TPP2: variants seen among roughly 807,000 people sequenced by gnomAD.
The protein encoded by TPP2 is tripeptidyl-peptidase 2.
TPP2 carries 34 observed loss-of-function variants against 155.9 expected under a neutral mutation model. The observed-to-expected ratio is 0.22, with a 90% CI of 0.17 to 0.29. TPP2 has a LOEUF of 0.29. TPP2 is among the 10% of genes least tolerant of loss of function. The pLI is 1.00. For synonymous variants in TPP2, 510 were observed against 529.4 expected (o/e 0.96, Z 0.50); for missense variants, 1,028 against 1,522.3 (o/e 0.68, Z 5.40).
intron 27 of TPP2, among the ~76,000 whole-genome samples, chr13:102,670,108 A>G (rs1025736854): frequency 5.3e-5 from 8 of 152,110 alleles, no homozygotes; most frequent in Non-Finnish European, 1.2e-4. Context: ...TCCACCAAAT[A>G]ACCACTTTTC....
intron 25 of TPP2, among the ~76,000 whole-genome samples, chr13:102,661,092 A>G (rs1884179522): frequency 8.2e-6 from 1 of 122,536 alleles, no homozygotes; most frequent in Non-Finnish European, 1.7e-5. Context: ...TACCAAAAGC[A>G]TAAGTAACAT....
intron 25 of TPP2, among the ~76,000 whole-genome samples, chr13:102,658,810 C>T (rs1884019941): frequency 6.6e-6 from 1 of 152,170 alleles, no homozygotes; most frequent in Non-Finnish European, 1.5e-5. Context: ...CATCATTTCT[C>T]ATCCTGACCT....
At chr13:102,602,583 C>T (rs1879509456) in intron 1 of TPP2, among the ~76,000 whole-genome samples, 1 of 152,108 alleles carries the variant, frequency 6.6e-6, no homozygotes, top group African/African-American at 2.4e-5. Flanking sequence ...GATTTGGGGT[C>T]CACCAACCAC....
chr13:102,616,374 G>A (rs1397146075), intron 3 of TPP2, 22 bp from the exon 4 acceptor site: 1 of 1,590,104 alleles, frequency 6.3e-7, no homozygotes, highest in Non-Finnish European at 8.6e-7. Flanking sequence ...CTAATTGTAA[G>A]GTAATTTTTC....
intron 11 of TPP2, 23 bp downstream of exon 11, chr13:102,634,121 T>C (rs1421741318): frequency 6.2e-7 from 1 of 1,613,572 alleles, no homozygotes. Flanking sequence ...TTTATTGTCC[T>C]TACATTATTG....
rs780184836 is a variant in TPP2 at position 102,663,688 on chromosome 13, T to C, written c.3184T>C (p.Tyr1062His). ...SDIYNELKET[Y>H]PNYLPLYVAR... ...CATTTATAACGAATTGAAAGAAACA[T>C]ATCCTAATTATCTTCCTCTGTACGT... The change falls in exon 26 of 30, where the codon TAT (tyrosine) becomes CAT (histidine). Residue 1062 changes from tyrosine (Y) to histidine (H), a missense_variant. Physicochemically the swap from Tyr to His is moderately conservative, Grantham distance 83. Transcript: ENST00000376052. 6.2e-7 allele frequency: 1 copy of C among 1,608,714 alleles called. No homozygotes were observed. The highest frequency in any genetic ancestry group is 8.5e-7 in the Non-Finnish European group (1 of 1,178,202).
At chr13:102,674,219 G>C in intron 27 of TPP2, 64 bp from the exon 28 acceptor site, 3 of 1,487,418 alleles carry the variant, frequency 2.0e-6, no homozygotes, top group Non-Finnish European at 2.7e-6. Context: ...TTTAAATTCA[G>C]ATAAGAATTT....
At chr13:102,635,305 G>T (rs1406503952) in intron 11 of TPP2, among the ~76,000 whole-genome samples, 1 of 152,174 alleles carries the variant, frequency 6.6e-6, no homozygotes, top group Non-Finnish European at 1.5e-5. Flanking sequence ...CATGCTTTTA[G>T]ATATCTGCTT....
chr13:102,646,196 C>G, intron 19 of TPP2, 98 bp from the exon 20 acceptor site: 2 of 908,688 alleles, frequency 2.2e-6, no homozygotes, highest in South Asian at 3.7e-5. Context: ...TTCATCTGCA[C>G]TTTTTGCAAT....
intron 12 of TPP2, among the ~76,000 whole-genome samples, chr13:102,635,950 T>G (rs1595170713): frequency 6.6e-6 from 1 of 151,932 alleles, no homozygotes; most frequent in South Asian, 2.1e-4. Context: ...GAAATCGAGG[T>G]CAAAAACTGG....
At chr13:102,665,739 A>G (rs1884550501) in intron 27 of TPP2, among the ~76,000 whole-genome samples, 1 of 152,186 alleles carries the variant, frequency 6.6e-6, no homozygotes, top group Admixed American at 6.5e-5. Flanking sequence ...TTTTGTGGTT[A>G]TTATAACTAA....
rs1418135682 is a variant in TPP2, at chr13:102,657,149, G to A, written c.3085G>A (p.Asp1029Asn). Reference protein sequence around the residue: ...DKEKDSEKEKDLKEEFTEALR... With the variant: ...DKEKDSEKEKNLKEEFTEALR... Reference sequence around the variant, plus strand: ...GGAAAAAGATTCAGAAAAAGAGAAAGATTTAAAAGAAGAGTTTACTGAAGC... The same window carrying A: ...GGAAAAAGATTCAGAAAAAGAGAAAAATTTAAAAGAAGAGTTTACTGAAGC... Residue 1029 changes from aspartate to asparagine, a missense_variant, in exon 25 of 30, where the codon GAT becomes AAT. Asp to Asn is a conservative substitution (Grantham distance 23, BLOSUM62 1). This residue lies in a region of TPP2 where 179 missense variants were observed against 274.7 expected (regional missense o/e 0.65). Transcript: ENST00000376052. 3 of 1,598,088 alleles carry A rather than the reference G, an allele frequency of 1.9e-6. No homozygotes were observed. The highest frequency in any genetic ancestry group is 2.6e-6 in the Non-Finnish European group (3 of 1,175,734).
intron 3 of TPP2, among the ~76,000 whole-genome samples, chr13:102,614,505 CT>C (rs1004559862): frequency 7.2e-5 from 11 of 152,036 alleles, no homozygotes; most frequent in African/African-American, 2.2e-4. Context: ...TTTTGAAGGA[CT>C]TTTTTTTACT....
At chr13:102,607,751 TA>T in intron 2 of TPP2, 1 of 387,500 alleles carries the variant, frequency 2.6e-6, no homozygotes. Flanking sequence ...GACACTTGGC[TA>T]ATTTTTTTGT....
At chr13:102,666,113 T>G (rs1294136942) in intron 27 of TPP2, among the ~76,000 whole-genome samples, 1 of 152,222 alleles carries the variant, frequency 6.6e-6, no homozygotes, top group African/African-American at 2.4e-5. Flanking sequence ...TTAAATACAT[T>G]GTTTTATTTA....
At chr13:102,614,058 A>G in intron 2 of TPP2, 43 bp from the exon 3 acceptor site, 1 of 1,561,818 alleles carries the variant, frequency 6.4e-7, no homozygotes, top group Non-Finnish European at 8.8e-7. Flanking sequence ...TGGAATTGGA[A>G]AGCATTTAGT....
chr13:102,651,219 C>A, intron 23 of TPP2, 140 bp from the exon 24 acceptor site: 1 of 749,868 alleles, frequency 1.3e-6, no homozygotes, highest in Non-Finnish European at 2.0e-6. Context: ...TAAAAGCATG[C>A]CATCTTAATC....
chr13:102,609,049 A>G (rs950307542), intron 2 of TPP2, among the ~76,000 whole-genome samples: 1 of 152,054 alleles, frequency 6.6e-6, no homozygotes, highest in Non-Finnish European at 1.5e-5. Flanking sequence ...TCCTTAGCCC[A>G]TTTGGCCTGG....
chr13:102,660,929 A>G (rs1343123320), intron 25 of TPP2, among the ~76,000 whole-genome samples: 1 of 152,204 alleles, frequency 6.6e-6, no homozygotes, highest in Non-Finnish European at 1.5e-5. Flanking sequence ...CTGGGACTGG[A>G]TAGCCATATA....
Sources: allele counts gnomAD v4.1 joint callset (sites outside exome capture counted in the v4.1 genomes callset), GRCh38; gene constraint gnomAD v4.1.1; regional missense constraint gnomAD v4.1.1; transcripts MANE v1.5; gene names NCBI Gene and HGNC (gene_info 2026-07-23, HGNC 2026-07-21).